Variants in DNAH12 observed in about 807,000 individuals in gnomAD.
The protein encoded by DNAH12 is axonemal beta dynein heavy chain 12.
DNAH12 carries 285 observed loss-of-function variants against 371.5 expected under a neutral mutation model. That is an observed-to-expected ratio of 0.77 (90% CI 0.70 to 0.85). The LOEUF is 0.85. Ranked by LOEUF, DNAH12 falls within the 40% of genes least tolerant of loss-of-function variation. The probability of loss-of-function intolerance (pLI) is 0.00; values close to 1 mark genes in which losing one functional copy is unlikely to be tolerated. For missense variants in DNAH12, 3,611 were observed against 3,689.4 expected (o/e 0.98, Z 0.55); for synonymous variants, 1,200 against 1,213.0 (o/e 0.99, Z 0.22).
At chr3:57,361,471 T>TATATATATATATA (rs2062934544) in intron 58 of DNAH12, among the ~76,000 whole-genome samples, 9 of 141,814 alleles carry the variant, frequency 6.3e-5, no homozygotes, top group African/African-American at 2.0e-4. Context: ...TATATATATA[T>TATATATATATATA]CTCATTCAGC....
intron 70 of DNAH12, among the ~76,000 whole-genome samples, chr3:57,298,810 G>A (rs2061285851): frequency 6.6e-6 from 1 of 152,110 alleles, no homozygotes; most frequent in Non-Finnish European, 1.5e-5. Flanking sequence ...CCTTACTATA[G>A]TGTACTAATT....
At chr3:57,354,833 A>G (rs951323914) in intron 59 of DNAH12, among the ~76,000 whole-genome samples, 2 of 152,180 alleles carry the variant, frequency 1.3e-5, no homozygotes, top group Non-Finnish European at 2.9e-5. Flanking sequence ...ACTTGAACAA[A>G]TCCCTGGAGA....
rs1330805045 is a variant in DNAH12, at chr3:57,446,406, C to T, written c.3939+131G>A. On this transcript the variant is annotated intron_variant, in intron 26 of 73. Transcript: ENST00000495027. ...TCCAAGGATAAAAACAATGTCTTTA[C>T]TCCTAAAATGAAAGTCCAAGTAATA... 4 of 1,418,644 alleles carry T rather than the reference C, an allele frequency of 2.8e-6. No homozygotes were observed. The South Asian group carries it at 6.2e-5, about 22-fold the overall frequency. The allele number at this position is 1,418,644 out of a possible 1,614,324, so 87.9% of individuals were successfully genotyped here. A position where few individuals can be genotyped will look rare whatever the true frequency, so the allele number is the denominator to read the frequency against.
Position 57,402,954 on chromosome 3 carries a change from T to C in DNAH12, c.6948+355A>G, listed in dbSNP as rs942751834. ...CATAAATATGTACAAATATTATACATCAATATTTTTTTAAAGCAGCAGCCA... is the reference window on the plus strand; with the variant it reads ...CATAAATATGTACAAATATTATACACCAATATTTTTTTAAAGCAGCAGCCA... On this transcript the variant is annotated intron_variant, in intron 43 of 73. Transcript: ENST00000495027. 3.9e-5 allele frequency among the ~76,000 whole-genome samples: 6 copies of C among 152,122 alleles called. No homozygotes were observed. The East Asian group carries it at 1.2e-3, about 29-fold the overall frequency.
chr3:57,523,268 C>T (rs2153398137), intron 4 of DNAH12, among the ~76,000 whole-genome samples: 1 of 152,064 alleles, frequency 6.6e-6, no homozygotes, highest in South Asian at 2.1e-4. Context: ...ATTGCAGTCC[C>T]AGCTACTCAG....
intron 10 of DNAH12, among the ~76,000 whole-genome samples, chr3:57,501,952 G>A (rs945295030): frequency 2.6e-5 from 4 of 151,430 alleles, no homozygotes; most frequent in African/African-American, 9.7e-5. Context: ...TATCGCCCAG[G>A]CTGGAGAGCA....
chr3:57,520,597 C>A (rs2153397379), intron 4 of DNAH12, among the ~76,000 whole-genome samples: 1 of 151,822 alleles, frequency 6.6e-6, no homozygotes, highest in South Asian at 2.1e-4. Context: ...CGCCCGCCAC[C>A]ACGCCCAGCT....
upstream of DNAH12, among the ~76,000 whole-genome samples, chr3:57,545,325 T>C (rs1194919683): frequency 2.2e-5 from 3 of 138,948 alleles, no homozygotes; most frequent in Non-Finnish European, 3.1e-5. Flanking sequence ...TTTTCTTTTC[T>C]TTTTTTTTTT....
At chr3:57,485,902 A>G (rs1187269151) in intron 12 of DNAH12, among the ~76,000 whole-genome samples, 1 of 152,062 alleles carries the variant, frequency 6.6e-6, no homozygotes, top group Non-Finnish European at 1.5e-5. Flanking sequence ...TGATGGGTAC[A>G]CTAAAATCTC....
intron 64 of DNAH12, among the ~76,000 whole-genome samples, chr3:57,322,749 G>A (rs985526726): frequency 6.6e-6 from 1 of 152,172 alleles, no homozygotes; most frequent in African/African-American, 2.4e-5. Flanking sequence ...GGCTGACATG[G>A]TGAAACCCCA....
chr3:57,503,948 A>G, intron 9 of DNAH12, 68 bp downstream of exon 9: 1 of 1,288,114 alleles, frequency 7.8e-7, no homozygotes, highest in East Asian at 2.3e-5. Context: ...TTGTATGTAC[A>G]CATACACTGC....
At chr3:57,506,346 T>C (rs1303312580) in intron 8 of DNAH12, among the ~76,000 whole-genome samples, 2 of 152,206 alleles carry the variant, frequency 1.3e-5, no homozygotes, top group African/African-American at 2.4e-5. Context: ...AATTTACCAC[T>C]GTGGGAATAT....
chr3:57,390,424 A>AAAAAAAAAAAAAAAAATATATATATAT, intron 45 of DNAH12, among the ~76,000 whole-genome samples: 1 of 33,422 alleles, frequency 3.0e-5, no homozygotes, highest in Non-Finnish European at 7.0e-5. Flanking sequence ...AAAAAAAAAA[A>AAAAAAAAAAAAAAAAATATATATATAT]ATATATATAT....
chr3:57,340,411 A>T (rs1184542242), intron 60 of DNAH12, among the ~76,000 whole-genome samples: 9 of 152,124 alleles, frequency 5.9e-5, no homozygotes, highest in Non-Finnish European at 1.3e-4. Flanking sequence ...TTGACAGAGC[A>T]TTAACTAGAC....
chr3:57,367,426 G>A (rs1277502329), intron 56 of DNAH12, among the ~76,000 whole-genome samples: 1 of 152,126 alleles, frequency 6.6e-6, no homozygotes, highest in Non-Finnish European at 1.5e-5. Flanking sequence ...GTTAATATAG[G>A]ACATTTTCTC....
intron 62 of DNAH12, among the ~76,000 whole-genome samples, chr3:57,333,912 T>A (rs2062164315): frequency 1.3e-5 from 2 of 152,184 alleles, no homozygotes; most frequent in African/African-American, 4.8e-5. Context: ...AATGATGGAA[T>A]TAGTAGTCAC....
chr3:57,463,600 G>A (rs2066117473), intron 17 of DNAH12, among the ~76,000 whole-genome samples: 1 of 151,916 alleles, frequency 6.6e-6, no homozygotes, highest in South Asian at 2.1e-4. Flanking sequence ...CACACTTTTT[G>A]TTTTGCTTAG....
chr3:57,321,177 G>C (rs1334627179), intron 65 of DNAH12, among the ~76,000 whole-genome samples: 7 of 152,030 alleles, frequency 4.6e-5, no homozygotes, highest in Non-Finnish European at 7.4e-5. Flanking sequence ...TCAAACTCTG[G>C]ATGAGGATTA....
Position 57,405,792 on chromosome 3 carries a change from A to G in DNAH12, c.6437T>C (p.Val2146Ala). The part of the protein sequence containing the change: ...HTMIRLFVHE[V>A]LRVFYDRLIN... ...GAGGCGATCATAAAACACTCGGAGA[A>G]CCTCATGCACAAACAGACGGATCAT... Residue 2146 changes from valine (V) to alanine (A), a missense_variant, in exon 41 of 74, where the codon GTT becomes GCT. Val to Ala is a moderately conservative substitution (Grantham distance 64). Coordinates refer to ENST00000495027, the MANE Select transcript of DNAH12 (RefSeq NM_001366028.2). 6.4e-7 allele frequency: 1 copy of G among 1,551,654 alleles called. No homozygotes were observed.
Sources: gnomAD v4.1 joint callset for allele counts (sites outside exome capture counted in the v4.1 genomes callset) on GRCh38, gnomAD v4.1.1 for gene constraint, MANE v1.5 for transcripts, NCBI Gene and HGNC (gene_info 2026-07-23, HGNC 2026-07-21) for gene names.